HECW2: variants seen among roughly 807,000 people sequenced by gnomAD.
HECW2 encodes E3 ubiquitin-protein ligase HECW2.
Under a neutral mutation model 175.2 loss-of-function variants are expected in HECW2, and 61 were observed. The ratio of observed to expected loss-of-function variants is 0.35; its 90% confidence interval spans 0.28 to 0.43. The LOEUF (loss-of-function observed/expected upper bound fraction) is 0.43. Among genes scored for constraint, HECW2 ranks in the 20% least tolerant of loss-of-function variants. The pLI is 1.00. For missense variants in HECW2, 1,524 were observed against 2,000.5 expected (o/e 0.76, Z 4.54); for synonymous variants, 671 against 731.0 (o/e 0.92, Z 1.32).
intron 19 of HECW2, among the ~76,000 whole-genome samples, chr2:196,249,878 A>G (rs1688791888): frequency 6.6e-6 from 1 of 152,224 alleles, no homozygotes; most frequent in South Asian, 2.1e-4. Flanking sequence ...CACTGCTAGC[A>G]ATTTAGATAT....
At chr2:196,307,093 T>C (rs1379161494) in intron 12 of HECW2, 37 bp downstream of exon 12, 3 of 1,430,544 alleles carry the variant, frequency 2.1e-6, no homozygotes, top group Non-Finnish European at 3.0e-6. Context: ...TTTTTCCACT[T>C]TTATGAAATT....
intron 2 of HECW2, among the ~76,000 whole-genome samples, chr2:196,363,667 T>A (rs1693664560): frequency 6.6e-6 from 1 of 152,022 alleles, no homozygotes; most frequent in Admixed American, 6.6e-5. Context: ...AAAACATGTT[T>A]TTTAAACTTA....
chr2:196,254,847 C>A (rs548512774), intron 18 of HECW2, among the ~76,000 whole-genome samples: 1 of 152,308 alleles, frequency 6.6e-6, no homozygotes, highest in East Asian at 1.9e-4. Context: ...ACATTACTAG[C>A]ATCTTTCCAT....
rs1202051061 is a variant in HECW2 at position 196,278,798 on chromosome 2, G to A, written c.3001-136C>T. 5.0e-6 allele frequency: 5 copies of A among 1,007,622 alleles called. No individual in the cohort carries two copies. In the Admixed American group the frequency reaches 9.1e-5, roughly 18 times the overall value. 62.4% of individuals were successfully genotyped at this position (1,007,622 alleles called of 1,614,324 possible). On this transcript the variant is annotated intron_variant, in intron 14 of 28. Transcript: ENST00000644978. ...TTTCTCATAATTTTCAATCTTTGGG[G>A]AAATTTCTCCTTACCCACACAGGAC...
intron 1 of HECW2, among the ~76,000 whole-genome samples, chr2:196,451,155 G>C (rs1696332963): frequency 6.6e-6 from 1 of 152,108 alleles, no homozygotes; most frequent in Non-Finnish European, 1.5e-5. Context: ...TATGGGGTAG[G>C]CTGGGCACAG....
At chr2:196,510,148 G>A (rs185502764) in intron 1 of HECW2, among the ~76,000 whole-genome samples, 7 of 152,176 alleles carry the variant, frequency 4.6e-5, no homozygotes, top group Non-Finnish European at 7.4e-5. Flanking sequence ...ATTCAGATGG[G>A]ATAAGGTTAC....
At chr2:196,454,455 G>A (rs1296245386) in intron 1 of HECW2, among the ~76,000 whole-genome samples, 2 of 152,076 alleles carry the variant, frequency 1.3e-5, no homozygotes, top group Non-Finnish European at 2.9e-5. Context: ...CCCTCAAGAT[G>A]GTCATTTAGA....
chr2:196,582,174 C>T (rs1176614131), intron 1 of HECW2, among the ~76,000 whole-genome samples: 1 of 152,146 alleles, frequency 6.6e-6, no homozygotes, highest in Non-Finnish European at 1.5e-5. Flanking sequence ...TTGGTTTCTT[C>T]ACCTGGTTTT....
At position 196,220,780 on chromosome 2, in the gene HECW2, G is replaced by A; in HGVS notation, c.4293+15C>T. 2 of 1,613,666 alleles carry A rather than the reference G, an allele frequency of 1.2e-6. No individual in the cohort carries two copies. The highest frequency in any genetic ancestry group is 1.7e-6 in the Non-Finnish European group (2 of 1,179,732). ...TATCAGACTGCAAACTCCTCCTACT[G>A]CTGATTGTCTTTACCTCATAGAAGC... On this transcript the variant is annotated intron_variant, in intron 25 of 28. Coordinates refer to ENST00000644978, the MANE Select transcript of HECW2 (RefSeq NM_001348768.2).
At chr2:196,521,733 T>C (rs1688400865) in intron 1 of HECW2, among the ~76,000 whole-genome samples, 1 of 149,222 alleles carries the variant, frequency 6.7e-6, no homozygotes, top group Admixed American at 6.7e-5. Flanking sequence ...ATATGCAGTG[T>C]TTGGTTTTTT....
chr2:196,260,432 T>C (rs559781563), intron 17 of HECW2: 6 of 152,252 alleles, frequency 3.9e-5, no homozygotes, highest in Non-Finnish European at 7.3e-5. Flanking sequence ...TCTGCGTGCC[T>C]ATTGTGTGCC....
At chr2:196,309,157 A>G (rs1190261398) in intron 10 of HECW2, among the ~76,000 whole-genome samples, 1 of 152,198 alleles carries the variant, frequency 6.6e-6, no homozygotes, top group African/African-American at 2.4e-5. Context: ...GTAAGGGAAC[A>G]GGGTAAGTAT....
At chr2:196,418,008 G>A (rs1038834691) in intron 2 of HECW2, among the ~76,000 whole-genome samples, 1 of 152,140 alleles carries the variant, frequency 6.6e-6, no homozygotes, top group African/African-American at 2.4e-5. Flanking sequence ...TTCCCAGTTG[G>A]AAATTTCACA....
intron 2 of HECW2, among the ~76,000 whole-genome samples, chr2:196,395,721 A>AC (rs2125192818): frequency 6.6e-6 from 1 of 152,144 alleles, no homozygotes; most frequent in African/African-American, 2.4e-5. Flanking sequence ...TTTTTAAAAA[A>AC]AGAAAATCAT....
At chr2:196,268,837 T>C (rs954970416) in intron 17 of HECW2, among the ~76,000 whole-genome samples, 1 of 152,190 alleles carries the variant, frequency 6.6e-6, no homozygotes, top group Admixed American at 6.5e-5. Flanking sequence ...TTGTTTTGCT[T>C]TGAGGTCTAG....
intron 1 of HECW2, among the ~76,000 whole-genome samples, chr2:196,535,837 G>A (rs1259917476): frequency 6.6e-6 from 1 of 152,130 alleles, no homozygotes; most frequent in African/African-American, 2.4e-5. Flanking sequence ...TGTCTAGAAT[G>A]TTTGAAATGG....
At chr2:196,335,625 T>C (rs1021242041) in intron 3 of HECW2, among the ~76,000 whole-genome samples, 1 of 152,168 alleles carries the variant, frequency 6.6e-6, no homozygotes, top group African/African-American at 2.4e-5. Flanking sequence ...AAAGATATGA[T>C]AACTGAAGAA....
At chr2:196,357,681 G>A (rs180924138) in intron 2 of HECW2, among the ~76,000 whole-genome samples, 191 of 152,294 alleles carry the variant, frequency 1.3e-3, no homozygotes, top group African/African-American at 4.0e-3. Context: ...CATGTCGAGG[G>A]AGGGAGGTCA....
chr2:196,482,193 T>A (rs1197868564), intron 1 of HECW2, among the ~76,000 whole-genome samples: 1 of 152,172 alleles, frequency 6.6e-6, no homozygotes, highest in African/African-American at 2.4e-5. Context: ...ACAGGGCCAA[T>A]ATGGACCCTC....
Sources: gnomAD v4.1 joint callset for allele counts (sites outside exome capture counted in the v4.1 genomes callset) on GRCh38, gnomAD v4.1.1 for gene constraint, MANE v1.5 for transcripts, NCBI Gene and HGNC (gene_info 2026-07-23, HGNC 2026-07-21) for gene names.